SLC2A13: variants seen among roughly 807,000 people sequenced by gnomAD.
SLC2A13 encodes proton myo-inositol cotransporter.
SLC2A13 carries 32 observed loss-of-function variants against 64.4 expected under a neutral mutation model. The observed-to-expected ratio is 0.50, with a 90% CI of 0.37 to 0.67. The LOEUF is 0.67. Ranked by LOEUF, SLC2A13 falls within the 30% of genes least tolerant of loss-of-function variation. The pLI, the probability that SLC2A13 is intolerant of heterozygous loss-of-function variation, is 0.00. For missense variants in SLC2A13, 743 were observed against 829.2 expected (o/e 0.90, Z 1.28); for synonymous variants, 338 against 327.1 (o/e 1.03, Z -0.36).
At chr12:39,844,628 T>G (rs1943260200) in intron 6 of SLC2A13, among the ~76,000 whole-genome samples, 1 of 152,028 alleles carries the variant, frequency 6.6e-6, no homozygotes, top group South Asian at 2.1e-4. Flanking sequence ...TTAGTATCCA[T>G]GAAGATCAAA....
intron 2 of SLC2A13, among the ~76,000 whole-genome samples, chr12:40,044,078 A>G (rs546708792): frequency 1.3e-5 from 2 of 152,298 alleles, no homozygotes; most frequent in South Asian, 4.1e-4. Context: ...TAGCCCCAAA[A>G]TGTTAACAAT....
chr12:39,963,829 T>C (rs1412713780), intron 3 of SLC2A13, among the ~76,000 whole-genome samples: 1 of 152,188 alleles, frequency 6.6e-6, no homozygotes, highest in Non-Finnish European at 1.5e-5. Context: ...AACAAATAAG[T>C]ACTAATGAGA....
At chr12:40,005,497 A>G (rs1356283318) in intron 3 of SLC2A13, among the ~76,000 whole-genome samples, 1 of 152,052 alleles carries the variant, frequency 6.6e-6, no homozygotes, top group Non-Finnish European at 1.5e-5. Context: ...AGAAAGTAAG[A>G]TCCTAAATCA....
At chr12:40,082,590 G>A (rs1390490025) in intron 1 of SLC2A13, among the ~76,000 whole-genome samples, 1 of 152,162 alleles carries the variant, frequency 6.6e-6, no homozygotes, top group Non-Finnish European at 1.5e-5. Flanking sequence ...CCCTTCCCAT[G>A]AGCAAGATAT....
chr12:39,897,989 TAA>T (rs1445434935), intron 4 of SLC2A13, among the ~76,000 whole-genome samples: 4 of 152,230 alleles, frequency 2.6e-5, no homozygotes, highest in South Asian at 2.1e-4. Context: ...AATAAACACT[TAA>T]GAGATGTTAT....
intron 3 of SLC2A13, among the ~76,000 whole-genome samples, chr12:39,957,388 G>C (rs1328366241): frequency 6.6e-6 from 1 of 152,146 alleles, no homozygotes; most frequent in Non-Finnish European, 1.5e-5. Flanking sequence ...ATGAACAGTA[G>C]AAGTAACACA....
At chr12:39,951,178 C>T (rs1271369327) in intron 4 of SLC2A13, 79 bp downstream of exon 4, 3 of 1,226,874 alleles carry the variant, frequency 2.4e-6, no homozygotes, top group African/African-American at 1.5e-5. Flanking sequence ...CTAGTATTTA[C>T]ATGAAATACT....
At chr12:39,910,823 G>T (rs771680701) in intron 4 of SLC2A13, among the ~76,000 whole-genome samples, 7 of 152,044 alleles carry the variant, frequency 4.6e-5, no homozygotes, top group Non-Finnish European at 1.0e-4. Context: ...GGTAGCTCAT[G>T]CCTGTGATCC....
intron 4 of SLC2A13, among the ~76,000 whole-genome samples, chr12:39,896,827 G>T (rs567680675): frequency 1.3e-5 from 2 of 152,058 alleles, no homozygotes; most frequent in Non-Finnish European, 2.9e-5. Flanking sequence ...TCTGTCAATA[G>T]TGTGACAAAA....
intron 6 of SLC2A13, 24 bp downstream of exon 6, chr12:39,864,738 A>C: frequency 6.2e-7 from 1 of 1,611,452 alleles, no homozygotes; most frequent in African/African-American, 1.3e-5. Flanking sequence ...CATGTAAAGG[A>C]AGAAGAACAT....
Position 40,105,977 on chromosome 12 carries a change from A to C in SLC2A13, c.-169T>G. ...AGCCGCCGCCACGGCCGCTCCGGGG[A>C]GAAAGTTGCTGCCCGCCGCGCTCCG... On this transcript the variant is annotated 5_prime_UTR_variant, in exon 1 of 10. Coordinates refer to ENST00000280871, the MANE Select transcript of SLC2A13 (RefSeq NM_052885.4). This position sits in a 1 kb window ranked among gnomAD's most constrained non-coding sequence, Gnocchi z 4.2. 1 of 799,584 alleles carries C rather than the reference A, an allele frequency of 1.3e-6. No homozygotes were observed. The highest frequency in any genetic ancestry group is 1.7e-6 in the Non-Finnish European group (1 of 579,618). 49.5% of individuals were successfully genotyped at this position (799,584 alleles called of 1,614,324 possible).
chr12:39,908,517 T>A (rs1281347532), intron 4 of SLC2A13, among the ~76,000 whole-genome samples: 1 of 151,294 alleles, frequency 6.6e-6, no homozygotes, highest in Admixed American at 6.6e-5. Context: ...GCTGAAGCAA[T>A]AGATTGTGTT....
At chr12:39,887,487 C>T (rs1290146608) in intron 4 of SLC2A13, among the ~76,000 whole-genome samples, 1 of 152,124 alleles carries the variant, frequency 6.6e-6, no homozygotes, top group Non-Finnish European at 1.5e-5. Flanking sequence ...GGACTTTTCA[C>T]AACAGGGATA....
chr12:40,050,264 T>C (rs1186062503), intron 1 of SLC2A13, among the ~76,000 whole-genome samples: 2 of 152,340 alleles, frequency 1.3e-5, no homozygotes, highest in East Asian at 1.9e-4. Flanking sequence ...TTGTTCTCTT[T>C]AGACAGAGAT....
intron 4 of SLC2A13, among the ~76,000 whole-genome samples, chr12:39,891,127 T>C (rs1169365690): frequency 1.3e-5 from 2 of 150,928 alleles, no homozygotes; most frequent in African/African-American, 2.4e-5. Context: ...TACCTTTTTT[T>C]TTTTAACATT....
chr12:39,973,226 C>G (rs903716964), intron 3 of SLC2A13, among the ~76,000 whole-genome samples: 1 of 152,218 alleles, frequency 6.6e-6, no homozygotes, highest in African/African-American at 2.4e-5. Context: ...ATTCAATGAT[C>G]AAGTCTCTGC....
In SLC2A13 at chr12:39,809,595, T is replaced by G. The variant is rs564497135; in HGVS notation, c.1445+20508A>C. ...TATGTACACATGTGCCCTGTTGGTG[T>G]GCTGCACCCATTAACTCGTCATTTA... is the stretch of plus-strand genomic sequence containing the variant. On this transcript the variant is annotated intron_variant, in intron 7 of 9. Coordinates refer to ENST00000280871, the MANE Select transcript of SLC2A13 (RefSeq NM_052885.4). Among the ~76,000 whole-genome samples the G allele has an allele frequency of 9.8e-5, 15 of 152,298 alleles. No homozygotes were observed. In the South Asian group the frequency reaches 2.7e-3, roughly 27 times the overall value.
At chr12:40,009,809 A>G (rs28370653) in intron 3 of SLC2A13, among the ~76,000 whole-genome samples, 1 of 152,224 alleles carries the variant, frequency 6.6e-6, no homozygotes, top group African/African-American at 2.4e-5. Context: ...CATGGGTCCT[A>G]AAACAAAATA....
chr12:39,873,666 T>C (rs1944113172), intron 4 of SLC2A13, among the ~76,000 whole-genome samples: 2 of 152,208 alleles, frequency 1.3e-5, no homozygotes, highest in South Asian at 4.1e-4. Flanking sequence ...GAAGCTATTT[T>C]GATGCTTTCA....
Sources: gnomAD v4.1 joint callset for allele counts (sites outside exome capture counted in the v4.1 genomes callset) on GRCh38, gnomAD v4.1.1 for gene constraint, Gnocchi (gnomAD v3.1) non-coding constraint, MANE v1.5 for transcripts, NCBI Gene and HGNC (gene_info 2026-07-23, HGNC 2026-07-21) for gene names.